Variants in RAMP1 observed in about 807,000 individuals in gnomAD.
RAMP1 encodes receptor activity modifying protein 1.
Under a neutral mutation model 8.2 loss-of-function variants are expected in RAMP1, and 7 were observed. The observed-to-expected ratio is 0.85, with a 90% confidence interval of 0.49 to 1.60. The LOEUF (loss-of-function observed/expected upper bound fraction) is 1.60. Among genes scored for constraint, RAMP1 ranks in the 40% most tolerant of loss-of-function variants. RAMP1 has a pLI of 0.00. For missense variants in RAMP1, 192 were observed against 202.4 expected, an observed-to-expected ratio of 0.95 and a Z score of 0.31; for synonymous variants, 92 against 84.7, an observed-to-expected ratio of 1.09 and a Z score of -0.47.
At chr2:237,883,344 C>T (rs961170006) in intron 2 of RAMP1, among the ~76,000 whole-genome samples, 4 of 152,092 alleles carry the variant, frequency 2.6e-5, no homozygotes, top group East Asian at 3.9e-4. Context: ...TAGACAAAGG[C>T]GGCCGGCCAG....
Position 237,862,543 on chromosome 2 carries a change from C to T in RAMP1, c.52+2816C>T, listed in dbSNP as rs1467559998. ...GAAAAGTCTGTCCTGATTTTTTTCC[C>T]CAGAATGCGCCCATTTCATAGCTTC... On this transcript the variant is annotated intron_variant, in intron 1 of 2. Transcript: ENST00000254661. This position sits in a 1 kb window ranked among gnomAD's most constrained non-coding sequence, Gnocchi z 4.0. Among the ~76,000 whole-genome samples the T allele has an allele frequency of 6.6e-6, 1 of 152,164 alleles. No individual in the cohort carries two copies. The highest frequency in any genetic ancestry group is 1.9e-4 in the East Asian group (1 of 5,202).
chr2:237,911,905 C>T lies in RAMP1; in HGVS notation c.*122C>T. On this transcript the variant is annotated 3_prime_UTR_variant, in exon 3 of 3. Coordinates refer to ENST00000254661, the MANE Select transcript of RAMP1 (RefSeq NM_005855.4). ...CCCACAATGCCCCCCTTCTTCCAGC[C>T]AAGAAGAGCTCACAGGAGTCCAGAG... is the stretch of plus-strand genomic sequence containing the variant. 7.2e-7 allele frequency: 1 copy of T among 1,397,742 alleles called. No homozygotes were observed. Among genetic ancestry groups the T allele is most frequent in the Non-Finnish European group, 9.5e-7 (1 of 1,057,364 alleles). 86.6% of individuals were successfully genotyped at this position (1,397,742 alleles called of 1,614,324 possible).
In RAMP1 at chr2:237,885,812, T is replaced by TG. The variant is rs2062424058; in HGVS notation, c.191+8453dup. Among the ~76,000 whole-genome samples, 10 of 152,196 alleles carry TG rather than the reference T, an allele frequency of 6.6e-5. No individual in the cohort carries two copies. The South Asian group carries it at 2.1e-3, about 32-fold the overall frequency. On this transcript the variant is annotated intron_variant, in intron 2 of 2. Transcript: ENST00000254661. ...CTGTTCCCCCACCCTCTGCCCCCCC[T>TG]GGGTGGGAGAATCTTTCCAGGCATC... is the stretch of plus-strand genomic sequence containing the variant.
intron 1 of RAMP1, among the ~76,000 whole-genome samples, chr2:237,866,791 C>T (rs572706359): frequency 1.4e-4 from 21 of 151,310 alleles, no homozygotes; most frequent in African/African-American, 2.2e-4. Context: ...TACAGTGGTG[C>T]GATCTTGGCT....
intron 2 of RAMP1, among the ~76,000 whole-genome samples, chr2:237,892,320 G>A (rs112246256): frequency 0.028 from 3,840 of 136,520 alleles, 175 homozygotes; most frequent in African/African-American, 0.1. Flanking sequence ...GTGCAGTGGT[G>A]TGATCATGGC....
In RAMP1 at chr2:237,911,811, C is replaced by T. The variant is rs773375594; in HGVS notation, c.*28C>T. 7.7e-6 allele frequency: 12 copies of T among 1,567,170 alleles called. No individual in the cohort carries two copies. In the African/African-American group the frequency reaches 1.5e-4, roughly 19 times the overall value. ...GGGGCCCAGGCTGCCCGCGGGTGCA[C>T]CCAGGCTGCAGGGTGAGGCCAGGCA... On this transcript the variant is annotated 3_prime_UTR_variant, in exon 3 of 3. Coordinates refer to ENST00000254661, the MANE Select transcript of RAMP1 (RefSeq NM_005855.4).
chr2:237,859,774 C>T, intron 1 of RAMP1, 47 bp downstream of exon 1: 1 of 1,474,506 alleles, frequency 6.8e-7, no homozygotes, highest in South Asian at 1.3e-5. Context: ...CCCTGGCCAG[C>T]CGGTGTCCTC....
rs1416647939 is a variant in RAMP1, at chr2:237,878,813, A to G, written c.191+1451A>G. ...ATGCAGGTGTGCATGCTGGGATTTA[A>G]AACAACAGAAACTCCGTACCCTCTG... is the stretch of plus-strand genomic sequence containing the variant. On this transcript the variant is annotated intron_variant, in intron 2 of 2. Coordinates refer to ENST00000254661, the MANE Select transcript of RAMP1 (RefSeq NM_005855.4). The surrounding 1 kb of genome is among the most constrained non-coding windows in gnomAD (Gnocchi z 5.7). Among the ~76,000 whole-genome samples the G allele has an allele frequency of 6.6e-6, 1 of 152,238 alleles. No individual in the cohort carries two copies. The highest frequency in any genetic ancestry group is 1.5e-5 in the Non-Finnish European group (1 of 68,038).
intron 2 of RAMP1, among the ~76,000 whole-genome samples, chr2:237,910,383 T>TCA (rs145233740): frequency 4.7e-4 from 64 of 135,316 alleles, no homozygotes; most frequent in Non-Finnish European, 8.5e-4. Context: ...AATAACACAG[T>TCA]CACACACACA....
At chr2:237,897,804 T>C (rs2062557940) in intron 2 of RAMP1, among the ~76,000 whole-genome samples, 1 of 151,644 alleles carries the variant, frequency 6.6e-6, no homozygotes, top group African/African-American at 2.4e-5. Flanking sequence ...TTTTGTTTGT[T>C]TGTTTGTTTT....
intron 2 of RAMP1, among the ~76,000 whole-genome samples, chr2:237,881,614 A>G (rs1429282861): frequency 1.3e-5 from 2 of 152,256 alleles, no homozygotes; most frequent in South Asian, 4.1e-4. Context: ...TTACTGTCTG[A>G]TAAGTGAGAA....
At chr2:237,901,073 C>T (rs777852916) in intron 2 of RAMP1, among the ~76,000 whole-genome samples, 15 of 152,236 alleles carry the variant, frequency 9.9e-5, no homozygotes, top group Admixed American at 3.3e-4. Context: ...TACGCTGTGG[C>T]GCAGTGCCAG....
chr2:237,901,051 G>A (rs1576554806), intron 2 of RAMP1, among the ~76,000 whole-genome samples: 1 of 152,268 alleles, frequency 6.6e-6, no homozygotes, highest in Admixed American at 6.5e-5. Flanking sequence ...CCTGGCAGCT[G>A]CGGGCTGTCT....
chr2:237,870,524 C>T (rs1391083006), intron 1 of RAMP1, among the ~76,000 whole-genome samples: 1 of 152,234 alleles, frequency 6.6e-6, no homozygotes, highest in African/African-American at 2.4e-5. Flanking sequence ...ACTTTTTCTC[C>T]AGGTCTGTAT....
intron 1 of RAMP1, chr2:237,874,837 C>T: frequency 1.3e-5 from 6 of 461,954 alleles, no homozygotes; most frequent in Non-Finnish European, 1.7e-5. Context: ...AAGAGACCCT[C>T]CACCAGCCCT....
intron 2 of RAMP1, among the ~76,000 whole-genome samples, chr2:237,890,619 A>G (rs926001425): frequency 6.6e-6 from 1 of 152,082 alleles, no homozygotes; most frequent in Non-Finnish European, 1.5e-5. Context: ...TTCCTCCACT[A>G]TTGATTTATT....
chr2:237,899,072 A>ATTTTTTTT (rs11431782), intron 2 of RAMP1, among the ~76,000 whole-genome samples: 2 of 148,768 alleles, frequency 1.3e-5, no homozygotes, highest in Non-Finnish European at 1.5e-5. Context: ...TGAGACAGTG[A>ATTTTTTTT]TTTTTTTTTT....
chr2:237,910,140 TCA>T (rs1244593674), intron 2 of RAMP1, among the ~76,000 whole-genome samples: 1 of 151,880 alleles, frequency 6.6e-6, no homozygotes. Context: ...ACGTACCCGG[TCA>T]CACACACAGA....
intron 2 of RAMP1, among the ~76,000 whole-genome samples, chr2:237,880,257 C>G (rs2062355082): frequency 6.6e-6 from 1 of 152,188 alleles, no homozygotes; most frequent in Non-Finnish European, 1.5e-5. Context: ...GGGCCCGGTG[C>G]TATCACAAGG....
Sources: allele counts gnomAD v4.1 joint callset (sites outside exome capture counted in the v4.1 genomes callset), GRCh38; gene constraint gnomAD v4.1.1; non-coding constraint Gnocchi (gnomAD v3.1); transcripts MANE v1.5; gene names NCBI Gene and HGNC (gene_info 2026-07-23, HGNC 2026-07-21).